The following GABRB1 variants were observed in gnomAD, a reference collection of about 807,000 sequenced individuals.
The protein encoded by GABRB1 is gamma-aminobutyric acid type A receptor subunit beta1.
GABRB1 carries 17 observed loss-of-function variants against 51.6 expected under a neutral mutation model. That is an observed-to-expected ratio of 0.33 (90% CI 0.23 to 0.49). The LOEUF (loss-of-function observed/expected upper bound fraction) is 0.49, where lower values mean the gene tolerates loss of function less well. GABRB1 is among the 20% of genes least tolerant of loss of function. The probability of loss-of-function intolerance (pLI) is 0.99; values close to 1 mark genes in which losing one functional copy is unlikely to be tolerated. For missense variants in GABRB1, 410 were observed against 600.6 expected (o/e 0.68, Z 3.32); for synonymous variants, 247 against 218.9 (o/e 1.13, Z -1.14).
At chr4:47,417,348 C>G (rs1388901398) in intron 8 of GABRB1, among the ~76,000 whole-genome samples, 1 of 151,264 alleles carries the variant, frequency 6.6e-6, no homozygotes, top group East Asian at 1.9e-4. Context: ...TGCACTTAAT[C>G]TTCTGTTCCT....
At chr4:47,338,999 T>C (rs986951459) in intron 5 of GABRB1, among the ~76,000 whole-genome samples, 10 of 152,172 alleles carry the variant, frequency 6.6e-5, no homozygotes, top group Admixed American at 4.6e-4. Flanking sequence ...AAAAACTTGG[T>C]TAATAATTCA....
Position 47,309,341 on chromosome 4 carries a change from C to T in GABRB1, c.462-10786C>T, listed in dbSNP as rs571938853. 7.2e-5 allele frequency among the ~76,000 whole-genome samples: 11 copies of T among 152,076 alleles called. No individual in the cohort carries two copies. In the South Asian group the frequency reaches 2.3e-3, roughly 32 times the overall value. ...ATTTATAAAGTGGTTCATGAATCACCCTGCCCCAACAGAAGTGAATAATAA... is the reference window on the plus strand; with the variant it reads ...ATTTATAAAGTGGTTCATGAATCACTCTGCCCCAACAGAAGTGAATAATAA... On this transcript the variant is annotated intron_variant, in intron 4 of 8. Transcript: ENST00000295454.
rs537293637 is a variant in GABRB1, at chr4:47,086,848, G to T, written c.240+54364G>T. ...TGCAGTGGCTAAGGGCTGCTGGAGC[G>T]TGGTACCTCAGTACTGCTTCTGATA... On this transcript the variant is annotated intron_variant, in intron 3 of 8. Transcript: ENST00000295454. Among the ~76,000 whole-genome samples the T allele has an allele frequency of 3.9e-5, 6 of 152,242 alleles. No homozygotes were observed. In the South Asian group the frequency reaches 1.2e-3, roughly 32 times the overall value.
chr4:47,068,153 C>T (rs1727165510), intron 3 of GABRB1, among the ~76,000 whole-genome samples: 1 of 152,150 alleles, frequency 6.6e-6, no homozygotes, highest in African/African-American at 2.4e-5. Flanking sequence ...CTGCAACTTC[C>T]TCACCTCTTT....
chr4:47,319,069 T>C (rs1219434403), intron 4 of GABRB1, among the ~76,000 whole-genome samples: 1 of 152,134 alleles, frequency 6.6e-6, no homozygotes, highest in African/African-American at 2.4e-5. Flanking sequence ...TCTGTATTAA[T>C]AAATAATAAG....
At chr4:47,405,096 G>C (rs1053373200) in intron 7 of GABRB1, among the ~76,000 whole-genome samples, 1 of 152,166 alleles carries the variant, frequency 6.6e-6, no homozygotes, top group Non-Finnish European at 1.5e-5. Flanking sequence ...ATTTATAAGT[G>C]ACTCATTCAT....
At chr4:47,270,680 C>T (rs144408300) in intron 4 of GABRB1, among the ~76,000 whole-genome samples, 130 of 152,266 alleles carry the variant, frequency 8.5e-4, no homozygotes, top group African/African-American at 3.1e-3. Flanking sequence ...GAAATGTTTC[C>T]ATGACAACAG....
chr4:47,004,752 G>T (rs1041704767), intron 1 of GABRB1, among the ~76,000 whole-genome samples: 1 of 152,164 alleles, frequency 6.6e-6, no homozygotes, highest in Non-Finnish European at 1.5e-5. Flanking sequence ...GTTAAGATAC[G>T]TAGTTTATAA....
chr4:47,307,271 T>C (rs1395026983), intron 4 of GABRB1, among the ~76,000 whole-genome samples: 1 of 152,148 alleles, frequency 6.6e-6, no homozygotes, highest in Non-Finnish European at 1.5e-5. Flanking sequence ...TATTTAACAC[T>C]GGACCTATAA....
At chr4:47,370,248 G>C (rs565324685) in intron 5 of GABRB1, among the ~76,000 whole-genome samples, 40 of 152,240 alleles carry the variant, frequency 2.6e-4, no homozygotes, top group African/African-American at 9.2e-4. Flanking sequence ...CAGCACGTTG[G>C]GTGGCCGAGG....
chr4:47,344,858 G>A (rs956654253), intron 5 of GABRB1, among the ~76,000 whole-genome samples: 7 of 152,094 alleles, frequency 4.6e-5, no homozygotes, highest in Admixed American at 6.6e-5. Context: ...AAGTAGCTGG[G>A]ACTACAGGTG....
At chr4:47,353,692 A>G (rs1377825468) in intron 5 of GABRB1, among the ~76,000 whole-genome samples, 4 of 152,328 alleles carry the variant, frequency 2.6e-5, no homozygotes, top group African/African-American at 7.2e-5. Context: ...ATACACATAC[A>G]TGGTTTAAGA....
intron 4 of GABRB1, among the ~76,000 whole-genome samples, chr4:47,286,092 A>G (rs993578633): frequency 6.6e-6 from 1 of 152,222 alleles, no homozygotes; most frequent in South Asian, 2.1e-4. Flanking sequence ...ATGGTATGCA[A>G]ATGGGTAATC....
chr4:47,243,976 A>C (rs1323553529), intron 4 of GABRB1, among the ~76,000 whole-genome samples: 1 of 152,138 alleles, frequency 6.6e-6, no homozygotes, highest in Non-Finnish European at 1.5e-5. Flanking sequence ...TTCAAAGGGA[A>C]TGCTTCCAGT....
At chr4:47,017,841 A>G (rs1724795301) in intron 1 of GABRB1, among the ~76,000 whole-genome samples, 1 of 152,208 alleles carries the variant, frequency 6.6e-6, no homozygotes, top group South Asian at 2.1e-4. Context: ...GAAGTTCAGA[A>G]TATGGTTAGA....
intron 4 of GABRB1, among the ~76,000 whole-genome samples, chr4:47,228,035 G>A (rs1191701877): frequency 6.6e-6 from 1 of 152,070 alleles, no homozygotes; most frequent in African/African-American, 2.4e-5. Flanking sequence ...GAAGTACTGA[G>A]GGTTAGGTGT....
chr4:47,200,675 C>G (rs1719864034), intron 4 of GABRB1, among the ~76,000 whole-genome samples: 1 of 152,034 alleles, frequency 6.6e-6, no homozygotes. Flanking sequence ...TACTTAAATC[C>G]CCAGAGCTTT....
intron 1 of GABRB1, among the ~76,000 whole-genome samples, chr4:47,017,033 C>T (rs1724771858): frequency 6.6e-6 from 1 of 152,118 alleles, no homozygotes; most frequent in African/African-American, 2.4e-5. Context: ...AAAAGCAGAA[C>T]TTGAGAATGC....
chr4:47,149,858 G>T (rs1274468172), intron 3 of GABRB1, among the ~76,000 whole-genome samples: 1 of 151,644 alleles, frequency 6.6e-6, no homozygotes, highest in Non-Finnish European at 1.5e-5. Flanking sequence ...CTTTTCTCAA[G>T]TAATGTCTGC....
Sources: allele counts gnomAD v4.1 joint callset (sites outside exome capture counted in the v4.1 genomes callset), GRCh38; gene constraint gnomAD v4.1.1; transcripts MANE v1.5; gene names NCBI Gene and HGNC (gene_info 2026-07-23, HGNC 2026-07-21).